The following ISL1 variants were observed in gnomAD, a reference collection of about 807,000 sequenced individuals.
ISL1 encodes insulin gene enhancer protein ISL-1.
A neutral mutation model predicts 35.3 loss-of-function variants in ISL1; 4 were observed. The ratio of observed to expected loss-of-function variants is 0.11; its 90% CI spans 0.06 to 0.26. ISL1 has a LOEUF of 0.26. ISL1 is among the 10% of genes least tolerant of loss of function. ISL1 has a pLI of 1.00. For synonymous variants in ISL1, 186 were observed against 172.3 expected, an observed-to-expected ratio of 1.08 and a Z score of -0.62; for missense variants, 340 against 472.8, an observed-to-expected ratio of 0.72 and a Z score of 2.60.
rs76478976 is a variant in ISL1, at chr5:51,387,243, C to T, written c.219-247C>T. On this transcript the variant is annotated intron_variant, in intron 2 of 5. Coordinates refer to ENST00000230658, the MANE Select transcript of ISL1 (RefSeq NM_002202.3). The surrounding 1 kb of genome is among the most constrained non-coding windows in gnomAD (Gnocchi z 4.3). Reference sequence around the variant, plus strand: ...AGACAGAGGTTCATCGGAAAGGAAACGGGAGTAAAAGAAAGGGAGGAGGGA... The same window carrying T: ...AGACAGAGGTTCATCGGAAAGGAAATGGGAGTAAAAGAAAGGGAGGAGGGA... Among the ~76,000 whole-genome samples, 1,883 of 150,652 alleles carry T rather than the reference C, an allele frequency of 0.012. 48 individuals are homozygous for T. The highest frequency in any genetic ancestry group is 0.044 in the African/African-American group (1,780 of 40,906).
intron 2 of ISL1, chr5:51,386,684 T>C: frequency 2.2e-6 from 1 of 452,852 alleles, no homozygotes; most frequent in South Asian, 1.6e-5. Flanking sequence ...ATTTTTTTCA[T>C]TCTGGTCATG....
At position 51,387,526 on chromosome 5, in the gene ISL1, C is replaced by A; in HGVS notation, c.255C>A (p.Gly85=). The change falls in exon 3 of 6, where the codon GGC becomes GGA. Residue 85 remains glycine, a synonymous_variant. Transcript: ENST00000230658. The surrounding 1 kb of genome is among the most constrained non-coding windows in gnomAD (Gnocchi z 4.3). ...TCAAATGCGCCAAGTGCAGCATCGG[C>A]TTCAGCAAGAACGACTTCGTGATGC... ...YGIKCAKCSI[G]FSKNDFVMRA... The A allele has an allele frequency of 6.2e-7, 1 of 1,614,180 alleles. No individual in the cohort carries two copies. Among genetic ancestry groups the A allele is most frequent in the Non-Finnish European group, 8.5e-7 (1 of 1,180,024 alleles).
At position 51,393,937 on chromosome 5, in the gene ISL1, A is replaced by G. The variant is rs1464999512; in HGVS notation, c.*327A>G. 1 of 354,100 alleles carries G rather than the reference A, an allele frequency of 2.8e-6. No homozygotes were observed. Among genetic ancestry groups the G allele is most frequent in the Admixed American group, 4.5e-5 (1 of 22,404 alleles). The allele number at this position is 354,100 out of a possible 1,614,324, so 21.9% of individuals were successfully genotyped here. A position where few individuals can be genotyped will look rare whatever the true frequency, so the allele number is the denominator to read the frequency against. ...CAAGGATCTCAAAGAAAGCATTTTC[A>G]TTTCACTGCACATCTAGAGAAAAAC... On this transcript the variant is annotated 3_prime_UTR_variant, in exon 6 of 6. Coordinates refer to ENST00000230658, the MANE Select transcript of ISL1 (RefSeq NM_002202.3).
chr5:51,385,104 G>A (rs1384404062), intron 2 of ISL1, among the ~76,000 whole-genome samples: 1 of 152,174 alleles, frequency 6.6e-6, no homozygotes, highest in Non-Finnish European at 1.5e-5. Context: ...GTTGTATAGT[G>A]CAGTGTTCTG....
In ISL1 at chr5:51,387,740, C is replaced by A; in HGVS notation, c.469C>A (p.Gln157Lys). 6.2e-7 allele frequency: 1 copy of A among 1,614,156 alleles called. No individual in the cohort carries two copies. The highest frequency in any genetic ancestry group is 1.3e-5 in the African/African-American group (1 of 75,076). Reference protein sequence around the residue: ...LSPLHPARPLQMAAEPISARQ... With the variant: ...LSPLHPARPLKMAAEPISARQ... ...TCCCCTGCATCCAGCGCGGCCACTG[C>A]AAATGGCAGGTACTCCTCTGCCCGG... is the stretch of plus-strand genomic sequence containing the variant. The change falls in exon 3 of 6, where the codon CAA (glutamine) becomes AAA (lysine). Residue 157 changes from glutamine to lysine, a missense_variant. Physicochemically the swap from Gln to Lys is moderately conservative, Grantham distance 53 (BLOSUM62 1). Coordinates refer to ENST00000230658, the MANE Select transcript of ISL1 (RefSeq NM_002202.3). This position sits in a 1 kb window ranked among gnomAD's most constrained non-coding sequence, Gnocchi z 4.3.
rs998861790 is a variant in ISL1 at position 51,394,420 on chromosome 5, TTCTC to T, written c.*816_*819del. 2 of 150,386 alleles carry T rather than the reference TTCTC, an allele frequency of 1.3e-5. No individual in the cohort carries two copies. Among genetic ancestry groups the T allele is most frequent in the Non-Finnish European group, 3.0e-5 (2 of 67,778 alleles). The allele number at this position is 150,386 out of a possible 1,614,324, so 9.3% of individuals were successfully genotyped here. A position where few individuals can be genotyped will look rare whatever the true frequency, so the allele number is the denominator to read the frequency against. ...ATAGTTATTGGTTAAAATGACTGTT[TTCTC>T]TCTCTATGGAAATAAAAAGGAAAAA... is the stretch of plus-strand genomic sequence containing the variant. On this transcript the variant is annotated 3_prime_UTR_variant, in exon 6 of 6. Coordinates refer to ENST00000230658, the MANE Select transcript of ISL1 (RefSeq NM_002202.3).
intron 4 of ISL1, 27 bp from the exon 5 acceptor site, chr5:51,391,247 G>A: frequency 6.2e-7 from 1 of 1,610,946 alleles, no homozygotes; most frequent in Admixed American, 1.7e-5. Context: ...TTAACATGTT[G>A]GGATTGGTTG....
Position 51,391,350 on chromosome 5 carries a change from C to G in ISL1, c.842C>G (p.Pro281Arg). 1.2e-6 allele frequency: 2 copies of G among 1,614,118 alleles called. No homozygotes were observed. Among genetic ancestry groups the G allele is most frequent in the Non-Finnish European group, 1.7e-6 (2 of 1,180,040 alleles). The change falls in exon 5 of 6, where the codon CCA (proline) becomes CGA (arginine). Residue 281 changes from proline to arginine, a missense_variant. Transcript: ENST00000230658. ...ERHDGGLQAN[P>R]VEVQSYQPPW... is the part of the protein sequence containing the mutation. ...CACGACGGTGGCTTACAGGCTAACCCAGTGGAAGTACAAAGTTACCAGCCA... is the reference window on the plus strand; with the variant it reads ...CACGACGGTGGCTTACAGGCTAACCGAGTGGAAGTACAAAGTTACCAGCCA...
intron 5 of ISL1, 96 bp from the exon 6 acceptor site, chr5:51,393,398 A>T: frequency 5.1e-6 from 4 of 786,728 alleles, no homozygotes; most frequent in Non-Finnish European, 9.1e-6. Flanking sequence ...ATATCTATCT[A>T]CACAAACATT....
Position 51,389,617 on chromosome 5 carries a change from C to A in ISL1, c.479-29C>A, listed in dbSNP as rs1747436809. On this transcript the variant is annotated intron_variant, in intron 3 of 5. Transcript: ENST00000230658. This position sits in a 1 kb window ranked among gnomAD's most constrained non-coding sequence, Gnocchi z 5.0. ...CGGGCCGGCAAGCGAGCCTCCAGCCCAGCGCTCACGGCGCTCCTTGCCCCG... is the reference window on the plus strand; with the variant it reads ...CGGGCCGGCAAGCGAGCCTCCAGCCAAGCGCTCACGGCGCTCCTTGCCCCG... 6.3e-7 allele frequency: 1 copy of A among 1,590,106 alleles called. No individual in the cohort carries two copies.
At chr5:51,391,959 G>A (rs772320531) in intron 5 of ISL1, among the ~76,000 whole-genome samples, 17 of 152,120 alleles carry the variant, frequency 1.1e-4, no homozygotes, top group Non-Finnish European at 2.4e-4. Context: ...ATGTGTCTGG[G>A]TACAATTTTC....
rs1747597573 is a variant in ISL1, at chr5:51,394,701, A to G, written c.*1091A>G. On this transcript the variant is annotated 3_prime_UTR_variant, in exon 6 of 6. Transcript: ENST00000230658. The stretch of plus-strand genomic sequence containing the variant: ...TTATATCTTCAGGACTATTTCACTA[A>G]TAAACATTTGGCATAGATAAATAAA... 6.6e-6 allele frequency: 1 copy of G among 152,666 alleles called. No homozygotes were observed. The highest frequency in any genetic ancestry group is 2.4e-5 in the African/African-American group (1 of 41,466). The allele number at this position is 152,666 out of a possible 1,614,324, so 9.5% of individuals were successfully genotyped here. A position where few individuals can be genotyped will look rare whatever the true frequency, so the allele number is the denominator to read the frequency against.
Position 51,387,899 on chromosome 5 carries a change from G to C in ISL1, c.478+150G>C. The C allele has an allele frequency of 9.6e-7, 1 of 1,046,100 alleles. No individual in the cohort carries two copies. Among genetic ancestry groups the C allele is most frequent in the Non-Finnish European group, 1.4e-6 (1 of 712,438 alleles). 64.8% of individuals were successfully genotyped at this position (1,046,100 alleles called of 1,614,324 possible). ...CTGTATGCAATTTGCGCTGTGCTCT[G>C]CTCCTTTGCAGCAAGGTTCAATGCA... On this transcript the variant is annotated intron_variant, in intron 3 of 5. Coordinates refer to ENST00000230658, the MANE Select transcript of ISL1 (RefSeq NM_002202.3). This position sits in a 1 kb window ranked among gnomAD's most constrained non-coding sequence, Gnocchi z 4.3.
rs1747261267 is a variant in ISL1 at position 51,383,476 on chromosome 5, T to A, written c.-196T>A. The A allele has an allele frequency of 1.6e-6, 1 of 632,756 alleles. No homozygotes were observed. The highest frequency in any genetic ancestry group is 1.8e-5 in the African/African-American group (1 of 54,614). The allele number at this position is 632,756 out of a possible 1,614,324, so 39.2% of individuals were successfully genotyped here. ...TCTGCCGCCGCCGCAGCGCCTCCGC[T>A]CCGCCAACTCCGCCGGCTTAAATTG... On this transcript the variant is annotated 5_prime_UTR_variant, in exon 1 of 6. Transcript: ENST00000230658.
intron 2 of ISL1, among the ~76,000 whole-genome samples, chr5:51,385,651 T>A (rs1445683419): frequency 2.0e-5 from 3 of 152,062 alleles, no homozygotes; most frequent in African/African-American, 7.2e-5. Flanking sequence ...CTTGTGTGTA[T>A]GTATCAGAAA....
chr5:51,391,809 G>A (rs1747522841), intron 5 of ISL1, among the ~76,000 whole-genome samples: 1 of 152,060 alleles, frequency 6.6e-6, no homozygotes, highest in Non-Finnish European at 1.5e-5. Context: ...AAATCGTCTT[G>A]GCATTTCAAT....
intron 4 of ISL1, among the ~76,000 whole-genome samples, chr5:51,390,278 C>T (rs1301612137): frequency 1.3e-5 from 2 of 152,162 alleles, no homozygotes; most frequent in South Asian, 2.1e-4. Context: ...AGGTTTGGCC[C>T]GGGTTTTGCC....
intron 1 of ISL1, 90 bp downstream of exon 1, chr5:51,383,789 T>C (rs1340021376): frequency 2.5e-5 from 27 of 1,095,234 alleles, no homozygotes; most frequent in Admixed American, 1.5e-4. Flanking sequence ...AAGGGCTCTT[T>C]GGAGTTGGAG....
intron 2 of ISL1, chr5:51,386,668 C>G (rs1747349746): frequency 2.2e-6 from 1 of 453,108 alleles, no homozygotes; most frequent in Non-Finnish European, 4.4e-6. Flanking sequence ...AGAAGCGGGT[C>G]TTTGCATTTT....
Sources: gnomAD v4.1 joint callset for allele counts (sites outside exome capture counted in the v4.1 genomes callset) on GRCh38, gnomAD v4.1.1 for gene constraint, Gnocchi (gnomAD v3.1) non-coding constraint, MANE v1.5 for transcripts, NCBI Gene and HGNC (gene_info 2026-07-23, HGNC 2026-07-21) for gene names.